LCORL: variants seen among roughly 807,000 people sequenced by gnomAD.
LCORL encodes the protein ligand dependent nuclear receptor corepressor like.
A neutral mutation model predicts 141.8 loss-of-function variants in LCORL; 41 were observed. The ratio of observed to expected loss-of-function variants is 0.29; its 90% CI spans 0.23 to 0.38. The LOEUF is 0.38. LCORL is among the 10% of genes least tolerant of loss of function. The pLI is 1.00. For synonymous variants in LCORL, 618 were observed against 694.1 expected (o/e 0.89, Z 1.72); for missense variants, 1,759 against 2,035.0 (o/e 0.86, Z 2.61).
intron 4 of LCORL, among the ~76,000 whole-genome samples, chr4:17,938,813 A>G (rs1022588424): frequency 2.6e-5 from 4 of 152,132 alleles, no homozygotes; most frequent in African/African-American, 7.2e-5. Flanking sequence ...GGCTCTCTCA[A>G]TCTGTTTCAG....
chr4:17,983,281 G>A (rs188526795), intron 1 of LCORL, among the ~76,000 whole-genome samples: 12 of 152,286 alleles, frequency 7.9e-5, no homozygotes, highest in Admixed American at 3.3e-4. Context: ...TTTACAAATA[G>A]TTGTTTCTAG....
intron 4 of LCORL, among the ~76,000 whole-genome samples, chr4:17,916,292 C>T (rs1577409013): frequency 6.6e-6 from 1 of 152,316 alleles, no homozygotes; most frequent in African/African-American, 2.4e-5. Context: ...TTAAAGCCTT[C>T]CTTGGCAATA....
intron 7 of LCORL, among the ~76,000 whole-genome samples, chr4:17,865,469 C>T (rs1725528822): frequency 6.6e-6 from 1 of 152,168 alleles, no homozygotes; most frequent in African/African-American, 2.4e-5. Flanking sequence ...GTTGGAATTA[C>T]AGGCGTGAGT....
chr4:17,959,426 T>C (rs183882745), intron 4 of LCORL, among the ~76,000 whole-genome samples: 4 of 152,136 alleles, frequency 2.6e-5, no homozygotes, highest in East Asian at 1.9e-4. Context: ...AAAATCATGG[T>C]ATTTAACTTT....
intron 1 of LCORL, among the ~76,000 whole-genome samples, chr4:17,984,376 C>T (rs187275959): frequency 2.0e-5 from 3 of 152,110 alleles, no homozygotes; most frequent in Non-Finnish European, 4.4e-5. Flanking sequence ...TGGTAGAATT[C>T]GGCTGTGAAT....
chr4:17,959,455 T>C (rs577075140), intron 4 of LCORL, among the ~76,000 whole-genome samples: 86 of 152,162 alleles, frequency 5.7e-4, no homozygotes, highest in African/African-American at 2.0e-3. Context: ...TCACAGTTCC[T>C]ACCTGTTAAA....
At chr4:17,925,954 C>A (rs950447224) in intron 4 of LCORL, among the ~76,000 whole-genome samples, 2 of 150,476 alleles carry the variant, frequency 1.3e-5, no homozygotes, top group African/African-American at 4.9e-5. Flanking sequence ...ACCTTCATTT[C>A]CTTTCTTTTC....
At chr4:17,841,491 G>A (rs1369769694) in exon 8 of LCORL, 1 of 151,898 alleles carries the variant, frequency 6.6e-6, no homozygotes, top group African/African-American at 2.4e-5. Context: ...TTTTCTTGGG[G>A]ATAAATGCAT....
intron 5 of LCORL, among the ~76,000 whole-genome samples, chr4:17,898,547 C>T (rs1015233684): frequency 6.6e-6 from 1 of 151,664 alleles, no homozygotes; most frequent in Non-Finnish European, 1.5e-5. Context: ...ATCTTCCCTG[C>T]TTTTCTACAC....
At chr4:18,019,950 C>T (rs1198788170) in intron 1 of LCORL, among the ~76,000 whole-genome samples, 1 of 152,076 alleles carries the variant, frequency 6.6e-6, no homozygotes, top group East Asian at 1.9e-4. Flanking sequence ...ATAAAGAATA[C>T]CTAGAGGTTT....
chr4:17,873,727 T>C (rs1279760219), exon 7 of LCORL: 1 of 1,233,890 alleles, frequency 8.1e-7, no homozygotes, highest in Non-Finnish European at 1.0e-6. Context: ...CCACTGTCAG[T>C]AGATTCAGGA....
intron 4 of LCORL, among the ~76,000 whole-genome samples, chr4:17,919,341 T>C (rs923078469): frequency 1.3e-5 from 2 of 152,122 alleles, no homozygotes; most frequent in Non-Finnish European, 2.9e-5. Context: ...TTAATCCCAA[T>C]CCTTAAAAGC....
rs1729585532 is a variant in LCORL, at chr4:17,894,477, T to G, written c.683-8316A>C. Among the ~76,000 whole-genome samples the G allele has an allele frequency of 3.3e-5, 5 of 152,356 alleles. No individual in the cohort carries two copies. The South Asian group carries it at 1.0e-3, about 32-fold the overall frequency. ...AAATTAAATAAAAGGATTTTAAAAG[T>G]ATTTATAATTGATAACAATAACAAC... On this transcript the variant is annotated intron_variant, in intron 5 of 7. Transcript: ENST00000635767.
At chr4:18,006,795 G>T (rs1324710722) in intron 1 of LCORL, among the ~76,000 whole-genome samples, 1 of 152,046 alleles carries the variant, frequency 6.6e-6, no homozygotes, top group African/African-American at 2.4e-5. Context: ...GGAATTGTGG[G>T]AGTTACAATT....
chr4:17,873,521 A>G, exon 7 of LCORL: 1 of 1,233,952 alleles, frequency 8.1e-7, no homozygotes, highest in Non-Finnish European at 1.0e-6. Context: ...CTTCAAAACT[A>G]TCAGGATTCT....
At position 17,884,108 on chromosome 4, in the gene LCORL, C is replaced by T. The variant is rs148261312; in HGVS notation, c.776+1960G>A. 1.2e-5 allele frequency: 19 copies of T among 1,550,734 alleles called. No homozygotes were observed. Among genetic ancestry groups the T allele is most frequent in the African/African-American group, 1.1e-4 (8 of 73,064 alleles). ...CCCATGTAGAAAGTAAGAGTCAACA[C>T]TTGAGTGAGTTACAGGCCCAGAACA... is the stretch of plus-strand genomic sequence containing the variant. On this transcript the variant is annotated intron_variant, in intron 6 of 7. Coordinates refer to ENST00000635767, the Ensembl canonical transcript of LCORL. The surrounding 1 kb of genome is among the most constrained non-coding windows in gnomAD (Gnocchi z 4.4).
chr4:17,982,474 T>C (rs1718190706), intron 1 of LCORL, among the ~76,000 whole-genome samples: 1 of 151,276 alleles, frequency 6.6e-6, no homozygotes, highest in Admixed American at 6.6e-5. Context: ...CCATTCTGAC[T>C]GGTGTGAGAT....
chr4:17,938,453 G>C (rs1241300006), intron 4 of LCORL, among the ~76,000 whole-genome samples: 1 of 112,988 alleles, frequency 8.9e-6, no homozygotes, highest in Non-Finnish European at 1.8e-5. Flanking sequence ...TTTCGCTCTT[G>C]TTGCCCAGGC....
At chr4:17,949,017 G>C (rs1739318565) in intron 4 of LCORL, among the ~76,000 whole-genome samples, 1 of 152,040 alleles carries the variant, frequency 6.6e-6, no homozygotes, top group South Asian at 2.1e-4. Context: ...ATCTGGCTTT[G>C]TGTGTGTACT....
Sources: allele counts gnomAD v4.1 joint callset (sites outside exome capture counted in the v4.1 genomes callset), GRCh38; gene constraint gnomAD v4.1.1; non-coding constraint Gnocchi (gnomAD v3.1); transcripts MANE v1.5; gene names NCBI Gene and HGNC (gene_info 2026-07-23, HGNC 2026-07-21).